Variants in MAP4K3 observed in about 807,000 individuals in gnomAD.
MAP4K3 encodes the protein mitogen-activated protein kinase kinase kinase kinase 3.
MAP4K3 carries 94 observed loss-of-function variants against 143.5 expected under a neutral mutation model. The ratio of observed to expected loss-of-function variants is 0.65; its 90% confidence interval spans 0.55 to 0.78. The LOEUF is 0.78. Ranked by LOEUF, MAP4K3 falls within the 30% of genes least tolerant of loss-of-function variation. The pLI, the probability that MAP4K3 is intolerant of heterozygous loss-of-function variation, is 0.00. For missense variants in MAP4K3, 1,077 were observed against 1,068.1 expected (o/e 1.01, Z -0.12); for synonymous variants, 416 against 347.2 (o/e 1.20, Z -2.20).
intron 1 of MAP4K3, among the ~76,000 whole-genome samples, chr2:39,414,747 T>C (rs1667324081): frequency 6.6e-6 from 1 of 152,012 alleles, no homozygotes; most frequent in African/African-American, 2.4e-5. Context: ...TGGTGGCACA[T>C]GCATGTAGTC....
chr2:39,346,044 A>T (rs1665282795), intron 3 of MAP4K3, among the ~76,000 whole-genome samples: 1 of 152,090 alleles, frequency 6.6e-6, no homozygotes, highest in African/African-American at 2.4e-5. Context: ...TGATATAAAA[A>T]TTTGTTTTAA....
In MAP4K3 at chr2:39,352,728, G is replaced by A. The variant is rs117559683; in HGVS notation, c.245+3521C>T. Among the ~76,000 whole-genome samples, 258 of 152,184 alleles carry A rather than the reference G, an allele frequency of 1.7e-3. 6 individuals are homozygous for A. In the East Asian group the frequency reaches 0.024, roughly 14 times the overall value. On this transcript the variant is annotated intron_variant, in intron 3 of 33. Coordinates refer to ENST00000263881, the MANE Select transcript of MAP4K3 (RefSeq NM_003618.4). ...TCAGTTTCAGTATTTCTTCATAAGC[G>A]AGCACAGCTACCCTGATATAAAATG... is the stretch of plus-strand genomic sequence containing the variant.
chr2:39,366,596 T>C (rs1251770031), intron 2 of MAP4K3, among the ~76,000 whole-genome samples: 7 of 152,204 alleles, frequency 4.6e-5, no homozygotes, highest in Non-Finnish European at 8.8e-5. Flanking sequence ...ATGGCCTGAA[T>C]TTTTCAGGGT....
intron 31 of MAP4K3, among the ~76,000 whole-genome samples, chr2:39,256,565 G>A (rs1011180112): frequency 1.3e-5 from 2 of 152,098 alleles, no homozygotes; most frequent in African/African-American, 4.8e-5. Flanking sequence ...ATTTTCTGAT[G>A]CTGAACCATC....
At chr2:39,340,956 A>G (rs1382526664) in intron 4 of MAP4K3, among the ~76,000 whole-genome samples, 3 of 152,182 alleles carry the variant, frequency 2.0e-5, no homozygotes, top group Admixed American at 6.5e-5. Flanking sequence ...GACCTACTGT[A>G]CATCTAACTA....
At chr2:39,272,148 T>A (rs929607376) in intron 26 of MAP4K3, 135 bp downstream of exon 26, 4 of 602,862 alleles carry the variant, frequency 6.6e-6, no homozygotes, top group Non-Finnish European at 1.1e-5. Flanking sequence ...TAAGCACTTG[T>A]TAATGTATAT....
At chr2:39,372,278 T>G (rs532933994) in intron 2 of MAP4K3, among the ~76,000 whole-genome samples, 1 of 151,680 alleles carries the variant, frequency 6.6e-6, no homozygotes, top group African/African-American at 2.4e-5. Flanking sequence ...ATGTAAGAAA[T>G]TGAAGAAGTC....
rs778735277 is a variant in MAP4K3, at chr2:39,278,505, A to G, written c.1715-19T>C. On this transcript the variant is annotated intron_variant, in intron 23 of 33. Coordinates refer to ENST00000263881, the MANE Select transcript of MAP4K3 (RefSeq NM_003618.4). The stretch of plus-strand genomic sequence containing the variant: ...TACTGATCTGAAATAAAAGTAATTC[A>G]CTGACTGATTTTGGTAAATAAAATA... 1 of 1,375,512 alleles carries G rather than the reference A, an allele frequency of 7.3e-7. No homozygotes were observed. Among genetic ancestry groups the G allele is most frequent in the Admixed American group, 2.0e-5 (1 of 49,184 alleles). 85.2% of individuals were successfully genotyped at this position (1,375,512 alleles called of 1,614,324 possible).
chr2:39,394,172 A>G (rs966933712), intron 1 of MAP4K3, among the ~76,000 whole-genome samples: 6 of 152,204 alleles, frequency 3.9e-5, no homozygotes, highest in African/African-American at 1.4e-4. Context: ...GGCCAATATG[A>G]ATACCACTGT....
At chr2:39,264,701 G>A (rs1476551535) in intron 28 of MAP4K3, among the ~76,000 whole-genome samples, 1 of 152,112 alleles carries the variant, frequency 6.6e-6, no homozygotes, top group East Asian at 1.9e-4. Context: ...AGTTACAGAT[G>A]AGTAACAGTA....
intron 1 of MAP4K3, among the ~76,000 whole-genome samples, chr2:39,419,681 G>C (rs1208581596): frequency 6.6e-6 from 1 of 152,110 alleles, no homozygotes; most frequent in Non-Finnish European, 1.5e-5. Context: ...AGTAGTATTG[G>C]TGAATTAACA....
At position 39,250,682 on chromosome 2, in the gene MAP4K3, G is replaced by A; in HGVS notation, c.2621C>T (p.Pro874Leu). ...GCTATTTGCTGTGGGGTTATCAGTT[G>A]GCCTACTTTCCAAAACCACGACCCT... Reference protein sequence around the residue: ...SDRVVVLESRPTDNPTANSNL... With the variant: ...SDRVVVLESRLTDNPTANSNL... The change falls in exon 34 of 34, where the codon CCA becomes CTA. Residue 874 changes from proline (P) to leucine (L), a missense_variant. Pro to Leu is a moderately conservative substitution (Grantham distance 98). Around this residue, in one of 2 missense-constraint regions of MAP4K3, gnomAD observed 864 missense variants for 801.2 expected, o/e 1.08. Transcript: ENST00000263881. 1 of 1,613,610 alleles carries A rather than the reference G, an allele frequency of 6.2e-7. No individual in the cohort carries two copies. The highest frequency in any genetic ancestry group is 8.5e-7 in the Non-Finnish European group (1 of 1,179,702).
In MAP4K3 at chr2:39,259,010, G is replaced by GTTTT. The variant is rs10673971; in HGVS notation, c.2309-427_2309-424dup. On this transcript the variant is annotated intron_variant, in intron 29 of 33. Coordinates refer to ENST00000263881, the MANE Select transcript of MAP4K3 (RefSeq NM_003618.4). ...CTGGGAATTTACAAAAATGAAAATT[G>GTTTT]TTTTTTTTTTTTGCGCCTGCTGCTC... is the stretch of plus-strand genomic sequence containing the variant. 9.0e-5 allele frequency among the ~76,000 whole-genome samples: 13 copies of GTTTT among 144,972 alleles called. 1 individual carries two copies. Among genetic ancestry groups the GTTTT allele is most frequent in the Non-Finnish European group, 1.2e-4 (8 of 66,462 alleles).
chr2:39,404,301 C>T (rs568031616), intron 1 of MAP4K3, among the ~76,000 whole-genome samples: 17 of 151,894 alleles, frequency 1.1e-4, no homozygotes, highest in Admixed American at 6.6e-4. Context: ...TAGGCCTTGG[C>T]TCTTGGACAG....
At chr2:39,293,100 G>A in intron 17 of MAP4K3, 130 bp downstream of exon 17, 1 of 751,730 alleles carries the variant, frequency 1.3e-6, no homozygotes, top group Non-Finnish European at 2.3e-6. Flanking sequence ...CTGGGCAACA[G>A]AGCGAGACCC....
intron 18 of MAP4K3, 125 bp downstream of exon 18, chr2:39,292,648 C>T: frequency 1.3e-6 from 1 of 782,958 alleles, no homozygotes; most frequent in Non-Finnish European, 2.2e-6. Flanking sequence ...AGGAAGGAAA[C>T]TGAGATACAA....
At chr2:39,369,543 A>T (rs961999236) in intron 2 of MAP4K3, among the ~76,000 whole-genome samples, 1 of 152,122 alleles carries the variant, frequency 6.6e-6, no homozygotes, top group African/African-American at 2.4e-5. Context: ...CTCTAGACAA[A>T]TCAAACTACT....
intron 1 of MAP4K3, among the ~76,000 whole-genome samples, chr2:39,433,098 A>C (rs541250975): frequency 6.6e-6 from 1 of 152,316 alleles, no homozygotes; most frequent in South Asian, 2.1e-4. Context: ...TACTCATGGT[A>C]TGGCTTTTCC....
At chr2:39,280,987 C>A (rs56024079) in intron 22 of MAP4K3, among the ~76,000 whole-genome samples, 6,417 of 152,176 alleles carry the variant, frequency 0.042, 216 homozygotes, top group African/African-American at 0.082. Flanking sequence ...ATAAATATAT[C>A]ATAATGAAAT....
Sources: allele counts gnomAD v4.1 joint callset (sites outside exome capture counted in the v4.1 genomes callset), GRCh38; gene constraint gnomAD v4.1.1; regional missense constraint gnomAD v4.1.1; transcripts MANE v1.5; gene names NCBI Gene and HGNC (gene_info 2026-07-23, HGNC 2026-07-21).